The following RNF130 variants were observed in gnomAD, a reference collection of about 807,000 sequenced individuals.
RNF130 encodes ring finger protein 130.
Under a neutral mutation model 44.6 loss-of-function variants are expected in RNF130, and 21 were observed. The ratio of observed to expected loss-of-function variants is 0.47; its 90% CI spans 0.33 to 0.68. The LOEUF (loss-of-function observed/expected upper bound fraction) is 0.68, where lower values mean the gene tolerates loss of function less well. Ranked by LOEUF, RNF130 falls within the 30% of genes least tolerant of loss-of-function variation. The pLI is 0.02. For missense variants in RNF130, 479 were observed against 560.6 expected, an observed-to-expected ratio of 0.85 and a Z score of 1.47; for synonymous variants, 214 against 210.4, an observed-to-expected ratio of 1.02 and a Z score of -0.15.
At chr5:180,025,092 T>C (rs1763956618) in intron 2 of RNF130, among the ~76,000 whole-genome samples, 1 of 152,204 alleles carries the variant, frequency 6.6e-6, no homozygotes, top group South Asian at 2.1e-4. Flanking sequence ...CGAGAAGCAC[T>C]GTAAGCATCA....
intron 7 of RNF130, chr5:179,920,488 T>C (rs1761613206): frequency 1.5e-6 from 1 of 685,332 alleles, no homozygotes; most frequent in South Asian, 1.5e-5. Context: ...CTCACATGGC[T>C]AGGAGGAAAC....
chr5:180,031,943 T>C (rs545868989), intron 2 of RNF130, among the ~76,000 whole-genome samples: 1 of 152,362 alleles, frequency 6.6e-6, no homozygotes, highest in Non-Finnish European at 1.5e-5. Context: ...ATTATGATCA[T>C]TCTAGAGGAT....
chr5:179,980,344 A>C, intron 3 of RNF130, 144 bp from the exon 4 acceptor site: 2 of 685,936 alleles, frequency 2.9e-6, no homozygotes, highest in Non-Finnish European at 4.8e-6. Context: ...TAAAATAGAA[A>C]AAATGGTGGC....
intron 7 of RNF130, among the ~76,000 whole-genome samples, chr5:179,947,834 A>C (rs1762066931): frequency 6.6e-6 from 1 of 152,220 alleles, no homozygotes; most frequent in Admixed American, 6.5e-5. Context: ...ATATACCTAC[A>C]CAATATGCTA....
rs974455791 is a variant in RNF130 at position 179,946,756 on chromosome 5, G to A, written c.1150+20050C>T. On this transcript the variant is annotated intron_variant, in intron 7 of 7. Transcript: ENST00000522208. ...TTTTTAGTAGAGACGGGGCTTCACCGTGTTAGCCAGGATGGTCTCGATCTC... is the reference window on the plus strand; with the variant it reads ...TTTTTAGTAGAGACGGGGCTTCACCATGTTAGCCAGGATGGTCTCGATCTC... Among the ~76,000 whole-genome samples, 8 of 152,010 alleles carry A rather than the reference G, an allele frequency of 5.3e-5. No individual in the cohort carries two copies. The South Asian group carries it at 8.3e-4, about 16-fold the overall frequency.
chr5:179,970,060 T>C (rs1561673997), intron 6 of RNF130, among the ~76,000 whole-genome samples: 1 of 151,804 alleles, frequency 6.6e-6, no homozygotes, highest in Non-Finnish European at 1.5e-5. Context: ...GAAGGCGAGG[T>C]GGGAGGACTG....
At chr5:179,962,513 C>T (rs1340390848) in intron 8 of RNF130, among the ~76,000 whole-genome samples, 1 of 152,126 alleles carries the variant, frequency 6.6e-6, no homozygotes, top group African/African-American at 2.4e-5. Context: ...AACCTAGGTT[C>T]AAATTTGGGC....
chr5:179,963,755 G>A, intron 7 of RNF130, 191 bp from the exon 8 acceptor site: 1 of 586,956 alleles, frequency 1.7e-6, no homozygotes, highest in Non-Finnish European at 3.1e-6. Flanking sequence ...ACTGGTGAAA[G>A]CTGCAAGGGA....
At chr5:180,021,300 TCTAAACATCTGTTTGTGG>T in intron 2 of RNF130, among the ~76,000 whole-genome samples, 1 of 152,192 alleles carries the variant, frequency 6.6e-6, no homozygotes. Flanking sequence ...AATCTAAATT[TCTAAACATCTGTTTGTGG>T]CTCGTGGTTC....
intron 7 of RNF130, among the ~76,000 whole-genome samples, chr5:179,965,512 C>T (rs1415620199): frequency 2.0e-5 from 3 of 152,160 alleles, no homozygotes; most frequent in African/African-American, 7.2e-5. Flanking sequence ...GGGATCAGTA[C>T]TTAATGTAGT....
intron 7 of RNF130, among the ~76,000 whole-genome samples, chr5:179,946,412 T>C (rs1262236219): frequency 2.6e-5 from 4 of 152,294 alleles, no homozygotes; most frequent in East Asian, 3.9e-4. Flanking sequence ...GGCAAGACAA[T>C]GGACATTTCC....
At chr5:179,972,514 T>C (rs750561295) in intron 5 of RNF130, among the ~76,000 whole-genome samples, 3 of 151,902 alleles carry the variant, frequency 2.0e-5, no homozygotes, top group Non-Finnish European at 4.4e-5. Flanking sequence ...ATGGGAGGCA[T>C]CCCGCTGGGG....
At chr5:180,046,034 G>C (rs866813718) in intron 1 of RNF130, among the ~76,000 whole-genome samples, 1 of 152,158 alleles carries the variant, frequency 6.6e-6, no homozygotes, top group Admixed American at 6.5e-5. Context: ...CTCCAGTGGC[G>C]TGGACGGAGG....
intron 1 of RNF130, among the ~76,000 whole-genome samples, chr5:180,049,668 G>A (rs749629772): frequency 2.6e-5 from 4 of 152,134 alleles, no homozygotes; most frequent in Admixed American, 6.5e-5. Flanking sequence ...ACTATTCTGA[G>A]AAGCAGCCCA....
chr5:180,035,245 A>C (rs535156654), intron 2 of RNF130, among the ~76,000 whole-genome samples: 1 of 152,272 alleles, frequency 6.6e-6, no homozygotes, highest in African/African-American at 2.4e-5. Context: ...TTTGGTTCCA[A>C]ATGTTTTTAA....
At chr5:180,059,220 CT>C (rs1764913515) in intron 1 of RNF130, among the ~76,000 whole-genome samples, 1 of 152,184 alleles carries the variant, frequency 6.6e-6, no homozygotes, top group Admixed American at 6.5e-5. Context: ...TTTCTGCCCC[CT>C]CTCAGTGTAA....
At chr5:179,966,756 C>A in intron 7 of RNF130, 50 bp downstream of exon 7, 1 of 1,543,574 alleles carries the variant, frequency 6.5e-7, no homozygotes, top group Non-Finnish European at 8.8e-7. Flanking sequence ...GTCCCGAATG[C>A]CCACATAGGC....
At chr5:179,978,557 A>G (rs1054412473) in intron 4 of RNF130, among the ~76,000 whole-genome samples, 4 of 152,180 alleles carry the variant, frequency 2.6e-5, no homozygotes, top group Non-Finnish European at 5.9e-5. Flanking sequence ...AATTTTTTCC[A>G]GGTTAGAATC....
At chr5:179,954,394 C>T (rs954271387), downstream of RNF130, among the ~76,000 whole-genome samples, 2 of 152,184 alleles carry the variant, frequency 1.3e-5, no homozygotes, top group African/African-American at 4.8e-5. Context: ...GGAGTGTTAA[C>T]CACACAAAGA....
Sources: gnomAD v4.1 joint callset for allele counts (sites outside exome capture counted in the v4.1 genomes callset) on GRCh38, gnomAD v4.1.1 for gene constraint, MANE v1.5 for transcripts, NCBI Gene and HGNC (gene_info 2026-07-23, HGNC 2026-07-21) for gene names.